Variants in SRPK2 observed in about 807,000 individuals in gnomAD.
SRPK2 encodes SRSF protein kinase 2, also known as SFRS protein kinase 2.
A neutral mutation model predicts 90.8 loss-of-function variants in SRPK2; 21 were observed. The ratio of observed to expected loss-of-function variants is 0.23; its 90% CI spans 0.16 to 0.33. The LOEUF (loss-of-function observed/expected upper bound fraction) is 0.33. SRPK2 is among the 10% of genes least tolerant of loss of function. The pLI is 1.00. For synonymous variants in SRPK2, 288 were observed against 311.1 expected, an observed-to-expected ratio of 0.93 and a Z score of 0.78; for missense variants, 620 against 869.0, an observed-to-expected ratio of 0.71 and a Z score of 3.60.
intron 2 of SRPK2, among the ~76,000 whole-genome samples, chr7:105,291,624 G>A (rs1809035879): frequency 6.6e-6 from 1 of 152,150 alleles, no homozygotes; most frequent in African/African-American, 2.4e-5. Flanking sequence ...CAGCTACTCG[G>A]GAAGCTGAGG....
At chr7:105,128,130 G>A (rs1801468880) in intron 13 of SRPK2, among the ~76,000 whole-genome samples, 1 of 152,162 alleles carries the variant, frequency 6.6e-6, no homozygotes, top group African/African-American at 2.4e-5. Flanking sequence ...CAAACCAAGA[G>A]TGAGTGCAGT....
chr7:105,359,980 T>G (rs989321656), intron 2 of SRPK2, among the ~76,000 whole-genome samples: 6 of 152,160 alleles, frequency 3.9e-5, no homozygotes, highest in African/African-American at 1.4e-4. Flanking sequence ...CAGTGGGGTG[T>G]TAAAGTCTCC....
intron 2 of SRPK2, among the ~76,000 whole-genome samples, chr7:105,361,949 C>T (rs1269582928): frequency 1.4e-5 from 1 of 70,944 alleles, no homozygotes; most frequent in African/African-American, 4.3e-5. Flanking sequence ...CCGAAAGCGC[C>T]TGGCAACAAA....
intron 2 of SRPK2, among the ~76,000 whole-genome samples, chr7:105,229,811 G>A (rs1325822395): frequency 1.3e-5 from 2 of 152,050 alleles, no homozygotes; most frequent in Non-Finnish European, 2.9e-5. Context: ...CAGTGGGTGG[G>A]GGGGAATGGG....
intron 3 of SRPK2, among the ~76,000 whole-genome samples, chr7:105,185,773 T>G (rs867827776): frequency 4.6e-5 from 7 of 152,298 alleles, no homozygotes; most frequent in Middle Eastern, 3.4e-3. Context: ...GCTTTCCAGT[T>G]TAATCACCAT....
chr7:105,320,997 G>A (rs1311225780), intron 2 of SRPK2, among the ~76,000 whole-genome samples: 1 of 121,992 alleles, frequency 8.2e-6, no homozygotes, highest in Non-Finnish European at 2.0e-5. Flanking sequence ...CACTCAGCTA[G>A]TTTTTAAAAT....
intron 2 of SRPK2, among the ~76,000 whole-genome samples, chr7:105,254,498 T>C (rs560732192): frequency 6.6e-6 from 1 of 152,346 alleles, no homozygotes; most frequent in East Asian, 1.9e-4. Context: ...ATCCATATCA[T>C]GAACTCAGTT....
intron 8 of SRPK2, 103 bp from the exon 9 acceptor site, chr7:105,145,411 G>T: frequency 2.7e-6 from 2 of 746,694 alleles, no homozygotes; most frequent in Non-Finnish European, 4.2e-6. Context: ...TCTTTTAATG[G>T]CTATCCAACT....
At chr7:105,200,748 A>G (rs1458765127) in intron 3 of SRPK2, among the ~76,000 whole-genome samples, 3 of 152,232 alleles carry the variant, frequency 2.0e-5, no homozygotes, top group Non-Finnish European at 2.9e-5. Flanking sequence ...AACATTATAT[A>G]AAATAACCGG....
chr7:105,305,807 A>T (rs1811081250), intron 2 of SRPK2, among the ~76,000 whole-genome samples: 1 of 152,228 alleles, frequency 6.6e-6, no homozygotes, highest in Non-Finnish European at 1.5e-5. Flanking sequence ...AGGGTGATTA[A>T]AATTTGGGTT....
intron 2 of SRPK2, among the ~76,000 whole-genome samples, chr7:105,255,577 A>G (rs1359824288): frequency 6.6e-6 from 1 of 152,210 alleles, no homozygotes; most frequent in Non-Finnish European, 1.5e-5. Context: ...ATAAAGCTTA[A>G]GTTCTACCAT....
chr7:105,191,202 C>T (rs932946747), intron 3 of SRPK2, among the ~76,000 whole-genome samples: 1 of 152,118 alleles, frequency 6.6e-6, no homozygotes, highest in Non-Finnish European at 1.5e-5. Flanking sequence ...TTTTTCATAG[C>T]CAAACGATAT....
At chr7:105,287,789 G>C (rs1808366678) in intron 2 of SRPK2, among the ~76,000 whole-genome samples, 1 of 152,142 alleles carries the variant, frequency 6.6e-6, no homozygotes, top group African/African-American at 2.4e-5. Flanking sequence ...TCTGGGGATG[G>C]AGTGTAGAAA....
chr7:105,214,559 T>C (rs1797224335), intron 2 of SRPK2, among the ~76,000 whole-genome samples: 1 of 152,102 alleles, frequency 6.6e-6, no homozygotes, highest in Admixed American at 6.6e-5. Context: ...TATGATAAAA[T>C]TATGGCACAA....
At chr7:105,227,715 T>C (rs569564519) in intron 2 of SRPK2, among the ~76,000 whole-genome samples, 23 of 152,068 alleles carry the variant, frequency 1.5e-4, no homozygotes, top group South Asian at 4.1e-4. Flanking sequence ...GACCCAGCAA[T>C]CTCACTTCTA....
intron 2 of SRPK2, chr7:105,301,734 G>A (rs779971641): frequency 2.4e-5 from 39 of 1,605,428 alleles, no homozygotes; most frequent in East Asian, 1.8e-4. Flanking sequence ...TAACAACACC[G>A]TATCATCAGC....
intron 2 of SRPK2, among the ~76,000 whole-genome samples, chr7:105,325,887 G>A (rs1041333037): frequency 6.6e-6 from 1 of 152,190 alleles, no homozygotes; most frequent in African/African-American, 2.4e-5. Flanking sequence ...CCAACAGGGT[G>A]AAGCTACCAT....
intron 2 of SRPK2, among the ~76,000 whole-genome samples, chr7:105,284,289 TG>T (rs1807740402): frequency 6.6e-6 from 1 of 152,144 alleles, no homozygotes; most frequent in Non-Finnish European, 1.5e-5. Context: ...AAATTAACAC[TG>T]GGCCCACTCC....
chr7:105,264,846 T>G (rs1804821115), intron 2 of SRPK2, among the ~76,000 whole-genome samples: 1 of 152,206 alleles, frequency 6.6e-6, no homozygotes, highest in Non-Finnish European at 1.5e-5. Flanking sequence ...CAGTCTCAGC[T>G]TCTCAGATCT....
Sources: gnomAD v4.1 joint callset for allele counts (sites outside exome capture counted in the v4.1 genomes callset) on GRCh38, gnomAD v4.1.1 for gene constraint, MANE v1.5 for transcripts, NCBI Gene and HGNC (gene_info 2026-07-23, HGNC 2026-07-21) for gene names.